LRCH2: variants seen among roughly 807,000 people sequenced by gnomAD.
The protein encoded by LRCH2 is leucine rich repeats and calponin homology domain containing 2, also known as leucine-rich repeat and calponin homology domain-containing protein 2.
A neutral mutation model predicts 68.9 loss-of-function variants in LRCH2; 38 were observed. The observed-to-expected ratio is 0.55, with a 90% CI of 0.43 to 0.72. The LOEUF (loss-of-function observed/expected upper bound fraction) is 0.72, where lower values mean the gene tolerates loss of function less well. Ranked by LOEUF, LRCH2 falls within the 30% of genes least tolerant of loss-of-function variation. The probability of loss-of-function intolerance (pLI) is 0.00; values close to 1 mark genes in which losing one functional copy is unlikely to be tolerated. For missense variants in LRCH2, 528 were observed against 572.9 expected, an observed-to-expected ratio of 0.92 and a Z score of 0.80; for synonymous variants, 191 against 208.1, an observed-to-expected ratio of 0.92 and a Z score of 0.71.
At chrX:115,125,846 T>A (rs1158073255) in intron 16 of LRCH2, among the ~76,000 whole-genome samples, 1 of 107,188 alleles carries the variant, frequency 9.3e-6, no homozygotes, top group African/African-American at 3.4e-5. Flanking sequence ...TTTTAAGATA[T>A]CCTAATTTAA....
At chrX:115,167,191 TAAAAAAAAAAAAA>T (rs58298502) in intron 6 of LRCH2, among the ~76,000 whole-genome samples, 4 of 8,396 alleles carry the variant, frequency 4.8e-4, no homozygotes, top group South Asian at 0.028. Flanking sequence ...AGTTTCATGC[TAAAAAAAAAAAAA>T]AAAAAAAAAA....
intron 1 of LRCH2, among the ~76,000 whole-genome samples, chrX:115,200,403 G>A (rs1288214194): frequency 9.0e-6 from 1 of 111,021 alleles, no homozygotes; most frequent in African/African-American, 3.3e-5. Context: ...TAACCTAGAA[G>A]AGAGATGAAC....
At chrX:115,130,518 AAT>A (rs1421868747) in intron 14 of LRCH2, among the ~76,000 whole-genome samples, 1 of 111,259 alleles carries the variant, frequency 9.0e-6, no homozygotes, top group Non-Finnish European at 1.9e-5. Flanking sequence ...CACTATATCC[AAT>A]ATGTCATCAA....
chrX:115,131,374 C>T (rs903297235), intron 14 of LRCH2, among the ~76,000 whole-genome samples: 4 of 109,270 alleles, frequency 3.7e-5, no homozygotes, highest in South Asian at 4.0e-4. Flanking sequence ...TCTGTCCTTG[C>T]GACAGTTTGC....
At chrX:115,233,124 A>C (rs2073163568) in intron 1 of LRCH2, among the ~76,000 whole-genome samples, 1 of 111,861 alleles carries the variant, frequency 8.9e-6, no homozygotes, top group African/African-American at 3.2e-5. Flanking sequence ...TTTAACCACC[A>C]CTACCTTCTC....
chrX:115,215,519 G>A (rs2073035271), intron 1 of LRCH2, among the ~76,000 whole-genome samples: 1 of 110,248 alleles, frequency 9.1e-6, no homozygotes, highest in African/African-American at 3.3e-5. Context: ...GGTCAATGCC[G>A]GAGGATCACT....
At chrX:115,211,766 C>CCG (rs1299065341) in intron 1 of LRCH2, among the ~76,000 whole-genome samples, 2 of 111,159 alleles carry the variant, frequency 1.8e-5, no homozygotes, top group Non-Finnish European at 3.8e-5. Flanking sequence ...CACACACCCC[C>CCG]CCAAGATTGC....
At chrX:115,186,726 C>A (rs1267553335) in intron 2 of LRCH2, among the ~76,000 whole-genome samples, 1 of 110,795 alleles carries the variant, frequency 9.0e-6, no homozygotes, top group African/African-American at 3.3e-5. Context: ...TCAAACCTCT[C>A]CTAAGCCAGG....
chrX:115,130,375 C>T (rs2072233191), intron 14 of LRCH2, among the ~76,000 whole-genome samples, 176 bp from the exon 15 acceptor site: 1 of 111,705 alleles, frequency 9.0e-6, no homozygotes, highest in Non-Finnish European at 1.9e-5. Context: ...AAAAATAATG[C>T]TTTCCATGTG....
At chrX:115,143,212 G>C (rs1442537716) in intron 14 of LRCH2, among the ~76,000 whole-genome samples, 2 of 111,712 alleles carry the variant, frequency 1.8e-5, no homozygotes, top group Non-Finnish European at 3.8e-5. Context: ...GGTTTACTGA[G>C]AAGATAAACA....
rs1316146645 is a variant in LRCH2 at position 115,177,774 on chromosome X, C to T, written c.864+1653G>A. ...ACCCCGCATGTATTAGGTATTTGTCCCAATGCTCTCCCTCCCCTTGCCCCC... is the reference window on the plus strand; with the variant it reads ...ACCCCGCATGTATTAGGTATTTGTCTCAATGCTCTCCCTCCCCTTGCCCCC... On this transcript the variant is annotated intron_variant, in intron 5 of 20. Coordinates refer to ENST00000317135, the MANE Select transcript of LRCH2 (RefSeq NM_020871.4). Among the ~76,000 whole-genome samples the T allele has an allele frequency of 2.7e-5, 3 of 110,239 alleles. No homozygotes were observed. In the East Asian group the frequency reaches 8.6e-4, roughly 31 times the overall value.
At chrX:115,219,070 G>A (rs2073061393) in intron 1 of LRCH2, among the ~76,000 whole-genome samples, 1 of 111,745 alleles carries the variant, frequency 8.9e-6, no homozygotes, top group African/African-American at 3.3e-5. Context: ...AGAAAGGAAA[G>A]TCTAATATAA....
At chrX:115,131,680 C>T (rs2072247011) in intron 14 of LRCH2, among the ~76,000 whole-genome samples, 1 of 111,823 alleles carries the variant, frequency 8.9e-6, no homozygotes, top group Non-Finnish European at 1.9e-5. Flanking sequence ...GGAATCGCCA[C>T]ACTGTCTTCC....
At chrX:115,172,374 A>G (rs1372713387) in intron 5 of LRCH2, among the ~76,000 whole-genome samples, 1 of 112,261 alleles carries the variant, frequency 8.9e-6, no homozygotes, top group Non-Finnish European at 1.9e-5. Flanking sequence ...AAATGAGGAT[A>G]ATGACAGTAC....
chrX:115,184,476 C>G lies in LRCH2; in HGVS notation c.556G>C (p.Val186Leu). 8.4e-7 allele frequency: 1 copy of G among 1,186,254 alleles called. No homozygotes were observed. Among genetic ancestry groups the G allele is most frequent in the Non-Finnish European group, 1.1e-6 (1 of 882,009 alleles). ...ATGGATACCAGTTTATTATTACTGA[C>G]GACCAAAACTTTAAGGGGAAGATCA... ...LFDLPLKVLV[V>L]SNNKLVSIPE... The change falls in exon 3 of 21, where the codon GTC (valine) becomes CTC (leucine). Residue 186 changes from valine (V) to leucine (L), a missense_variant. By Grantham distance (32) the Val-to-Leu change is conservative. Transcript: ENST00000317135.
At chrX:115,153,871 A>C (rs782198140) in intron 12 of LRCH2, among the ~76,000 whole-genome samples, 1 of 111,923 alleles carries the variant, frequency 8.9e-6, no homozygotes, top group South Asian at 3.7e-4. Context: ...AAAAGGATAG[A>C]ACAGAAAGAA....
intron 1 of LRCH2, among the ~76,000 whole-genome samples, chrX:115,203,922 C>T (rs2072947668): frequency 8.9e-6 from 1 of 112,517 alleles, no homozygotes; most frequent in African/African-American, 3.2e-5. Flanking sequence ...TGTGAGTCTC[C>T]AACCCCACAT....
At chrX:115,190,147 G>A (rs1556556848) in intron 1 of LRCH2, 1 of 1,162,543 alleles carries the variant, frequency 8.6e-7, no homozygotes, top group Non-Finnish European at 1.1e-6. Flanking sequence ...TGGCTACTCA[G>A]GCCCGCGGGT....
intron 14 of LRCH2, among the ~76,000 whole-genome samples, chrX:115,132,067 C>T (rs2072250313): frequency 9.0e-6 from 1 of 111,575 alleles, no homozygotes; most frequent in South Asian, 3.8e-4. Flanking sequence ...GTTTTTTTGG[C>T]TGTGCAGAAG....
Sources: gnomAD v4.1 joint callset for allele counts (sites outside exome capture counted in the v4.1 genomes callset) on GRCh38, gnomAD v4.1.1 for gene constraint, MANE v1.5 for transcripts, NCBI Gene and HGNC (gene_info 2026-07-23, HGNC 2026-07-21) for gene names.